The following SRBD1 variants were observed in gnomAD, a reference collection of about 807,000 sequenced individuals.
SRBD1 encodes S1 RNA-binding domain-containing protein 1.
SRBD1 carries 88 observed loss-of-function variants against 115.3 expected under a neutral mutation model. The ratio of observed to expected loss-of-function variants is 0.76; its 90% CI spans 0.64 to 0.91. SRBD1 has a LOEUF of 0.91. SRBD1 is among the 40% of genes least tolerant of loss of function. The pLI, the probability that SRBD1 is intolerant of heterozygous loss-of-function variation, is 0.00. For synonymous variants in SRBD1, 509 were observed against 407.7 expected, an observed-to-expected ratio of 1.25 and a Z score of -2.99; for missense variants, 1,385 against 1,177.4, an observed-to-expected ratio of 1.18 and a Z score of -2.58.
At chr2:45,549,535 G>A (rs1010696062) in intron 12 of SRBD1, among the ~76,000 whole-genome samples, 1 of 151,322 alleles carries the variant, frequency 6.6e-6, no homozygotes, top group African/African-American at 2.4e-5. Context: ...ATGAGAACAA[G>A]CTTCTTAAAA....
rs73925659 is a variant in SRBD1, at chr2:45,435,585, A to C, written c.2050-15691T>G. ...GAAAAAAAAAAAACAAAAAAAAAAAACAGCTGCCTGTGAGTTGGCAGCTAC... is the reference window on the plus strand; with the variant it reads ...GAAAAAAAAAAAACAAAAAAAAAAACCAGCTGCCTGTGAGTTGGCAGCTAC... On this transcript the variant is annotated intron_variant, in intron 16 of 20. Coordinates refer to ENST00000263736, the MANE Select transcript of SRBD1 (RefSeq NM_018079.5). Among the ~76,000 whole-genome samples the C allele has an allele frequency of 4.3e-4, 58 of 134,924 alleles. No homozygotes were observed. The East Asian group carries it at 9.3e-3, about 22-fold the overall frequency. 88.5% of individuals were successfully genotyped at this position (134,924 alleles called of 152,430 possible). A position where few individuals can be genotyped will look rare whatever the true frequency, so the allele number is the denominator to read the frequency against.
At chr2:45,580,676 CTTTTTTTTTTTTT>C (rs369067711) in intron 6 of SRBD1, among the ~76,000 whole-genome samples, 6 of 76,350 alleles carry the variant, frequency 7.9e-5, no homozygotes, top group Non-Finnish European at 1.4e-4. Context: ...TCTTCTACTT[CTTTTTTTTTTTTT>C]TTTTTTTTTT....
chr2:45,453,546 G>T (rs1669060829), intron 16 of SRBD1, among the ~76,000 whole-genome samples: 1 of 151,564 alleles, frequency 6.6e-6, no homozygotes, highest in South Asian at 2.1e-4. Flanking sequence ...ACTTCATTCT[G>T]TTTACATACA....
At chr2:45,489,429 T>C (rs1042208137) in intron 14 of SRBD1, among the ~76,000 whole-genome samples, 2 of 152,194 alleles carry the variant, frequency 1.3e-5, no homozygotes, top group Admixed American at 1.3e-4. Flanking sequence ...ATCCCCATCT[T>C]TGGAGAATTC....
At chr2:45,410,011 A>T (rs899102321) in intron 19 of SRBD1, among the ~76,000 whole-genome samples, 3 of 152,226 alleles carry the variant, frequency 2.0e-5, no homozygotes, top group East Asian at 3.8e-4. Context: ...TTGACAAAGT[A>T]CATTTTTATA....
At chr2:45,397,069 G>A (rs750813477) in intron 19 of SRBD1, among the ~76,000 whole-genome samples, 3 of 151,988 alleles carry the variant, frequency 2.0e-5, no homozygotes, top group Non-Finnish European at 4.4e-5. Context: ...AGTTTTAATG[G>A]AGTAACGCAA....
intron 14 of SRBD1, among the ~76,000 whole-genome samples, chr2:45,504,286 A>C (rs1273258457): frequency 6.6e-6 from 1 of 152,166 alleles, no homozygotes; most frequent in South Asian, 2.1e-4. Flanking sequence ...GTGATGCCAG[A>C]GGATGTAGCT....
At chr2:45,448,304 G>A (rs1208906366) in intron 16 of SRBD1, among the ~76,000 whole-genome samples, 4 of 151,968 alleles carry the variant, frequency 2.6e-5, no homozygotes, top group Admixed American at 1.3e-4. Context: ...AGAATTATTA[G>A]AACTAGATAG....
chr2:45,454,449 G>C (rs766736011), intron 16 of SRBD1, among the ~76,000 whole-genome samples: 1 of 151,820 alleles, frequency 6.6e-6, no homozygotes, highest in Non-Finnish European at 1.5e-5. Context: ...CAAATTAATA[G>C]TTGTACATTT....
At chr2:45,595,773 T>C (rs1318890968) in intron 4 of SRBD1, among the ~76,000 whole-genome samples, 1 of 152,214 alleles carries the variant, frequency 6.6e-6, no homozygotes. Context: ...GGAAGGATAA[T>C]TGCAACTGGT....
chr2:45,577,869 T>C (rs1034953369), intron 7 of SRBD1, among the ~76,000 whole-genome samples: 4 of 152,062 alleles, frequency 2.6e-5, no homozygotes, highest in African/African-American at 9.7e-5. Context: ...CTAATAATAA[T>C]TCTACATTTT....
Position 45,504,413 on chromosome 2 carries a change from G to A in SRBD1, c.1875-16082C>T, listed in dbSNP as rs141038663. ...CAATTCAAAAAGATTAGAGTCATTGGAGCTTCTTTCCCAAATTACACCAAA... is the reference window on the plus strand; with the variant it reads ...CAATTCAAAAAGATTAGAGTCATTGAAGCTTCTTTCCCAAATTACACCAAA... On this transcript the variant is annotated intron_variant, in intron 14 of 20. Coordinates refer to ENST00000263736, the MANE Select transcript of SRBD1 (RefSeq NM_018079.5). 2.3e-3 allele frequency among the ~76,000 whole-genome samples: 352 copies of A among 152,094 alleles called. 1 individual carries two copies. Among genetic ancestry groups the A allele is most frequent in the African/African-American group, 8.1e-3 (334 of 41,484 alleles).
rs753504663 is a variant in SRBD1, at chr2:45,497,730, T to TC, written c.1875-9400_1875-9399insG. ...ACCATCACCAAAATTCAATTTCATA[T>TC]AATTTTTTTTTTTAAGAAACTGCCA... On this transcript the variant is annotated intron_variant, in intron 14 of 20. Transcript: ENST00000263736. Among the ~76,000 whole-genome samples the TC allele has an allele frequency of 1.0e-3, 112 of 111,410 alleles. 3 individuals are homozygous for TC. In the South Asian group the frequency reaches 0.017, roughly 16 times the overall value. The allele number at this position is 111,410 out of a possible 152,430, so 73.1% of individuals were successfully genotyped here.
At chr2:45,389,677 C>T (rs1001306915) in intron 20 of SRBD1, 78 bp from the exon 21 acceptor site, 2 of 1,370,834 alleles carry the variant, frequency 1.5e-6, no homozygotes, top group African/African-American at 2.9e-5. Flanking sequence ...TAAGTACTTA[C>T]TACATACTAT....
chr2:45,537,426 T>G (rs750777896), intron 14 of SRBD1, among the ~76,000 whole-genome samples: 5 of 152,118 alleles, frequency 3.3e-5, no homozygotes, highest in Non-Finnish European at 7.4e-5. Flanking sequence ...TCAAGAGGGG[T>G]AGGGACTTTG....
intron 10 of SRBD1, 87 bp downstream of exon 10, chr2:45,562,566 A>G: frequency 3.9e-6 from 4 of 1,031,786 alleles, no homozygotes; most frequent in Non-Finnish European, 5.4e-6. Flanking sequence ...CACGTAATAG[A>G]CATCTTTACA....
chr2:45,488,228 A>AT lies in SRBD1; in HGVS notation c.1966+11dup. 1 of 1,610,916 alleles carries AT rather than the reference A, an allele frequency of 6.2e-7. No homozygotes were observed. On this transcript the variant is annotated intron_variant, in intron 15 of 20. Coordinates refer to ENST00000263736, the MANE Select transcript of SRBD1 (RefSeq NM_018079.5). ...AAATCACATGTTTTTGTGATGGTCCATAGTTTCTTACCTGCACTTCTCAAA... is the reference window on the plus strand; with the variant it reads ...AAATCACATGTTTTTGTGATGGTCCATTAGTTTCTTACCTGCACTTCTCAAA...
At chr2:45,504,406 G>C (rs1407832523) in intron 14 of SRBD1, among the ~76,000 whole-genome samples, 1 of 152,048 alleles carries the variant, frequency 6.6e-6, no homozygotes, top group East Asian at 1.9e-4. Flanking sequence ...AAAGATTAGA[G>C]TCATTGGAGC....
intron 4 of SRBD1, among the ~76,000 whole-genome samples, chr2:45,593,552 GC>G (rs1330020029): frequency 1.3e-5 from 2 of 152,166 alleles, no homozygotes; most frequent in Non-Finnish European, 1.5e-5. Context: ...AAAGGAAATT[GC>G]TATTTCCTCA....
Sources: gnomAD v4.1 joint callset for allele counts (sites outside exome capture counted in the v4.1 genomes callset) on GRCh38, gnomAD v4.1.1 for gene constraint, MANE v1.5 for transcripts, NCBI Gene and HGNC (gene_info 2026-07-23, HGNC 2026-07-21) for gene names.